LRRC37A: variants seen among roughly 807,000 people sequenced by gnomAD.
LRRC37A encodes leucine rich repeat containing 37A.
Under a neutral mutation model 35.4 loss-of-function variants are expected in LRRC37A, and 3 were observed. The observed-to-expected ratio is 0.08, with a 90% CI of 0.04 to 0.22. The LOEUF (loss-of-function observed/expected upper bound fraction) is 0.22. Among genes scored for constraint, LRRC37A ranks in the 10% least tolerant of loss-of-function variants. LRRC37A has a pLI of 1.00. For missense variants in LRRC37A, 67 were observed against 565.3 expected (o/e 0.12, Z 8.94); for synonymous variants, 23 against 215.0 (o/e 0.11, Z 7.81).
the LRRC37A span, among the ~76,000 whole-genome samples, chr17:46,255,230 A>G: frequency 2.0e-5 from 3 of 152,074 alleles, no homozygotes; most frequent in Non-Finnish European, 4.4e-5. Context: ...CGGCCTCTCA[A>G]TGTGCTTGGA....
At chr17:46,259,674 A>G in the LRRC37A span, 1 of 1,609,102 alleles carries the variant, frequency 6.2e-7, no homozygotes, top group Non-Finnish European at 8.5e-7. Flanking sequence ...CATCCCGGCC[A>G]TCTAGGGTCA....
the LRRC37A span, chr17:46,260,490 C>G: frequency 2.5e-6 from 4 of 1,600,370 alleles, no homozygotes; most frequent in Non-Finnish European, 3.4e-6. Flanking sequence ...GGGGGTGGCC[C>G]GCCATACTTC....
upstream of LRRC37A, among the ~76,000 whole-genome samples, chr17:46,289,266 T>G (rs1402826224): frequency 6.6e-6 from 1 of 152,202 alleles, no homozygotes; most frequent in Non-Finnish European, 1.5e-5. Flanking sequence ...TGCTATAGCC[T>G]TGACCTGCCA....
At chr17:46,256,011 C>T in the LRRC37A span, among the ~76,000 whole-genome samples, 2 of 152,152 alleles carry the variant, frequency 1.3e-5, no homozygotes, top group African/African-American at 4.8e-5. Context: ...CCCTCACCTC[C>T]ATGTGATGGT....
the LRRC37A span, among the ~76,000 whole-genome samples, chr17:46,280,760 G>C: frequency 6.6e-6 from 1 of 152,070 alleles, no homozygotes; most frequent in African/African-American, 2.4e-5. Context: ...TTTTAGTAGG[G>C]ACGAGGTTTT....
chr17:46,272,943 C>T, the LRRC37A span, among the ~76,000 whole-genome samples: 612 of 152,288 alleles, frequency 4.0e-3, 36 homozygotes, highest in East Asian at 0.095. Context: ...ACCAACCAAC[C>T]GTTGCTTCAT....
the LRRC37A span, among the ~76,000 whole-genome samples, chr17:46,254,887 G>A: frequency 1.3e-5 from 2 of 152,042 alleles, no homozygotes; most frequent in South Asian, 4.1e-4. Flanking sequence ...CCAGGCTGGA[G>A]TGCAGTGGTG....
upstream of LRRC37A, among the ~76,000 whole-genome samples, chr17:46,291,243 A>C (rs987752288): frequency 6.6e-6 from 1 of 152,278 alleles, no homozygotes; most frequent in African/African-American, 2.4e-5. Context: ...TAGCGGGTGC[A>C]CACTTTGATC....
the LRRC37A span, among the ~76,000 whole-genome samples, chr17:46,277,963 G>C: frequency 6.6e-6 from 1 of 150,846 alleles, no homozygotes; most frequent in Non-Finnish European, 1.5e-5. Context: ...TTTTTCTTTT[G>C]AGATGGAGTC....
At chr17:46,263,724 C>T in the LRRC37A span, among the ~76,000 whole-genome samples, 27 of 149,760 alleles carry the variant, frequency 1.8e-4, 1 homozygote, top group Admixed American at 1.6e-3. Flanking sequence ...CGTGGTGGCA[C>T]ATGCCTGTAA....
chr17:46,284,983 C>T, the LRRC37A span, among the ~76,000 whole-genome samples: 17,876 of 151,494 alleles, frequency 0.12, 3 homozygotes, highest in Non-Finnish European at 0.18. Flanking sequence ...CTCACCTCAG[C>T]CTCCCAAGTA....
the LRRC37A span, among the ~76,000 whole-genome samples, chr17:46,262,793 AAAAAAAAAG>A: frequency 2.0e-5 from 3 of 151,830 alleles, no homozygotes; most frequent in Non-Finnish European, 4.4e-5. Context: ...CTTGGAAAAA[AAAAAAAAAG>A]AAAAGAAAAG....
At chr17:46,277,772 G>A in the LRRC37A span, among the ~76,000 whole-genome samples, 16,396 of 148,702 alleles carry the variant, frequency 0.11, no homozygotes, top group Non-Finnish European at 0.17. Context: ...TCAGCCTCCC[G>A]AGTAGCTGGG....
chr17:46,272,696 G>A, the LRRC37A span, among the ~76,000 whole-genome samples: 13 of 152,208 alleles, frequency 8.5e-5, no homozygotes, highest in Admixed American at 2.0e-4. Context: ...GGTTACAGGC[G>A]TGGGCCACCA....
chr17:46,287,701 G>C, the LRRC37A span, among the ~76,000 whole-genome samples: 1 of 152,232 alleles, frequency 6.6e-6, no homozygotes, highest in Non-Finnish European at 1.5e-5. Context: ...GGTAGGGAAC[G>C]TGGAAGGAGC....
At position 46,324,987 on chromosome 17, in the gene LRRC37A, T is replaced by G. The variant is rs1313577837; in HGVS notation, c.3053+1960T>G. Among the ~76,000 whole-genome samples the G allele has an allele frequency of 6.4e-5, 5 of 78,308 alleles. 1 individual carries two copies. The highest frequency in any genetic ancestry group is 1.7e-4 in the African/African-American group (5 of 29,762). 51.4% of individuals were successfully genotyped at this position (78,308 alleles called of 152,430 possible). ...GGCAAGCTAAATAGAGACTCAGTTA[T>G]GCTAGGGCTGGTTGAGGGAATTTTG... On this transcript the variant is annotated intron_variant, in intron 7 of 13. Coordinates refer to ENST00000320254, the Ensembl canonical transcript of LRRC37A.
At chr17:46,250,869 CTCCTCTTCCTCTTCCTTCTCT>C in the LRRC37A span, among the ~76,000 whole-genome samples, 7 of 152,252 alleles carry the variant, frequency 4.6e-5, no homozygotes, top group African/African-American at 1.7e-4. Context: ...CTTCCCCTTT[CTCCTCTTCCTCTTCCTTCTCT>C]TCCTCTTCCT....
the LRRC37A span, among the ~76,000 whole-genome samples, chr17:46,287,278 G>A: frequency 6.6e-6 from 1 of 152,232 alleles, no homozygotes; most frequent in Non-Finnish European, 1.5e-5. Flanking sequence ...CTGAATGAAT[G>A]TGTGCAAAAC....
the LRRC37A span, among the ~76,000 whole-genome samples, chr17:46,281,871 T>G: frequency 6.6e-6 from 1 of 152,186 alleles, no homozygotes; most frequent in African/African-American, 2.4e-5. Context: ...CTCAAACTCC[T>G]GACCTCAGGT....
Sources: allele counts gnomAD v4.1 joint callset (sites outside exome capture counted in the v4.1 genomes callset), GRCh38; gene constraint gnomAD v4.1.1; transcripts MANE v1.5; gene names NCBI Gene and HGNC (gene_info 2026-07-23, HGNC 2026-07-21).